Variants in ENPP6 observed in about 807,000 individuals in gnomAD.
The protein encoded by ENPP6 is ectonucleotide pyrophosphatase/phosphodiesterase 6.
A neutral mutation model predicts 42.0 loss-of-function variants in ENPP6; 32 were observed. That is an observed-to-expected ratio of 0.76 (90% CI 0.58 to 1.02). The LOEUF is 1.02. Ranked by LOEUF, ENPP6 falls within the 50% of genes least tolerant of loss-of-function variation. ENPP6 has a pLI of 0.00. For synonymous variants in ENPP6, 213 were observed against 216.0 expected, an observed-to-expected ratio of 0.99 and a Z score of 0.12; for missense variants, 552 against 566.8, an observed-to-expected ratio of 0.97 and a Z score of 0.27.
chr4:184,104,304 T>C (rs1736052454), intron 6 of ENPP6, among the ~76,000 whole-genome samples: 1 of 152,264 alleles, frequency 6.6e-6, no homozygotes, highest in Non-Finnish European at 1.5e-5. Flanking sequence ...TGGCATTTCA[T>C]ATCCTTTTCC....
chr4:184,143,380 G>A (rs1381757287), intron 2 of ENPP6, among the ~76,000 whole-genome samples: 3 of 152,220 alleles, frequency 2.0e-5, no homozygotes, highest in Admixed American at 6.5e-5. Context: ...CTGAGGCAAG[G>A]CGGGAGCAGT....
intron 1 of ENPP6, among the ~76,000 whole-genome samples, chr4:184,188,371 C>T (rs1201884282): frequency 6.6e-6 from 1 of 152,092 alleles, no homozygotes; most frequent in Non-Finnish European, 1.5e-5. Context: ...AAAATATTGT[C>T]CTAGGTTTTT....
intron 5 of ENPP6, 108 bp from the exon 6 acceptor site, chr4:184,112,917 T>C (rs1736227889): frequency 1.6e-6 from 2 of 1,237,490 alleles, no homozygotes; most frequent in Middle Eastern, 2.0e-4. Flanking sequence ...AAGAAAGAAA[T>C]TGCCAAATAC....
Position 184,091,107 on chromosome 4 carries a change from T to C in ENPP6, c.*70A>G, listed in dbSNP as rs1344770749. ...ATGAAGCTATTATTCACACATAAAATGAAAATCATCTGGCTTTGGAGGCCC... is the reference window on the plus strand; with the variant it reads ...ATGAAGCTATTATTCACACATAAAACGAAAATCATCTGGCTTTGGAGGCCC... On this transcript the variant is annotated 3_prime_UTR_variant, in exon 8 of 8. Transcript: ENST00000296741. 2.1e-6 allele frequency: 3 copies of C among 1,417,676 alleles called. No homozygotes were observed. The highest frequency in any genetic ancestry group is 2.8e-6 in the Non-Finnish European group (3 of 1,060,890). 87.8% of individuals were successfully genotyped at this position (1,417,676 alleles called of 1,614,324 possible).
intron 2 of ENPP6, among the ~76,000 whole-genome samples, chr4:184,131,193 C>CTTTCTTTCTTTCTT (rs1560987247): frequency 1.8e-5 from 1 of 55,372 alleles, no homozygotes. Flanking sequence ...TTCTTTCTTT[C>CTTTCTTTCTTTCTT]TTTCTTTCTT....
chr4:184,204,956 G>A (rs183447689), intron 1 of ENPP6, among the ~76,000 whole-genome samples: 7 of 151,910 alleles, frequency 4.6e-5, no homozygotes, highest in Admixed American at 2.6e-4. Context: ...TTGAGATGAA[G>A]TTTCGCTCAT....
In ENPP6 at chr4:184,097,323, C is replaced by G. The variant is rs1400237976; in HGVS notation, c.1039G>C (p.Glu347Gln). 6.2e-7 allele frequency: 1 copy of G among 1,614,234 alleles called. No homozygotes were observed. Among genetic ancestry groups the G allele is most frequent in the East Asian group, 2.2e-5 (1 of 44,882 alleles). ...CCGTGCCATCCACGCTGCCAACCTT[C>G]CCGCCTGCCGGTGCTGTTCATCCAA... ...PFWMNSTGRR[E>Q]GWQRGWHGYD... Residue 347 changes from glutamate (E) to glutamine (Q), a missense_variant, in exon 7 of 8, where the codon GAA becomes CAA. Physicochemically the swap from Glu to Gln is conservative, Grantham distance 29 (BLOSUM62 2). Coordinates refer to ENST00000296741, the MANE Select transcript of ENPP6 (RefSeq NM_153343.4).
chr4:184,109,564 G>A lies in ENPP6; in HGVS notation c.993+3108C>T, dbSNP rs867288986. On this transcript the variant is annotated intron_variant, in intron 6 of 7. Coordinates refer to ENST00000296741, the MANE Select transcript of ENPP6 (RefSeq NM_153343.4). ...GTGAGCCACCATGGATAGTGTATTA[G>A]TGAGCAACCCTCATCTTTCAGAGCT... Among the ~76,000 whole-genome samples, 50 of 152,162 alleles carry A rather than the reference G, an allele frequency of 3.3e-4. 1 individual carries two copies. Among genetic ancestry groups the A allele is most frequent in the African/African-American group, 1.0e-3 (43 of 41,444 alleles).
intron 6 of ENPP6, 44 bp downstream of exon 6, chr4:184,112,628 T>C (rs1186819060): frequency 1.9e-6 from 3 of 1,589,212 alleles, no homozygotes; most frequent in Non-Finnish European, 2.6e-6. Flanking sequence ...GACTGTTTTA[T>C]AGAATTTGCA....
intron 1 of ENPP6, among the ~76,000 whole-genome samples, chr4:184,200,410 C>A (rs1213904637): frequency 1.3e-5 from 2 of 152,196 alleles, no homozygotes; most frequent in African/African-American, 2.4e-5. Context: ...GGAGGCCTCT[C>A]AACAAAAGGT....
chr4:184,102,800 G>T (rs576801661), intron 6 of ENPP6, among the ~76,000 whole-genome samples: 12 of 152,248 alleles, frequency 7.9e-5, no homozygotes, highest in Admixed American at 2.6e-4. Flanking sequence ...TCCCATGCTG[G>T]CTGCTCAAGG....
intron 7 of ENPP6, among the ~76,000 whole-genome samples, chr4:184,095,430 C>T (rs1027366197): frequency 3.4e-4 from 51 of 152,072 alleles, no homozygotes; most frequent in African/African-American, 1.0e-3. Context: ...GAGGCTGAGA[C>T]AGGCAGATCA....
At chr4:184,103,000 G>A (rs1255817090) in intron 6 of ENPP6, among the ~76,000 whole-genome samples, 1 of 152,264 alleles carries the variant, frequency 6.6e-6, no homozygotes. Flanking sequence ...TTTCTGAGAA[G>A]TGCCTGAGAT....
At chr4:184,105,752 G>A (rs922426522) in intron 6 of ENPP6, among the ~76,000 whole-genome samples, 48 of 152,020 alleles carry the variant, frequency 3.2e-4, no homozygotes, top group African/African-American at 1.2e-3. Context: ...CTTTTGGGAG[G>A]GCCATAGGGA....
At chr4:184,214,380 G>A (rs191954552) in intron 1 of ENPP6, among the ~76,000 whole-genome samples, 2 of 152,302 alleles carry the variant, frequency 1.3e-5, no homozygotes, top group East Asian at 3.9e-4. Context: ...AGCCATGGTG[G>A]CTTCATGGCA....
intron 2 of ENPP6, among the ~76,000 whole-genome samples, chr4:184,132,896 T>A (rs1264837939): frequency 1.3e-5 from 2 of 150,992 alleles, no homozygotes; most frequent in Non-Finnish European, 1.5e-5. Context: ...TTGGAGACTA[T>A]CTTTTATCAC....
intron 1 of ENPP6, among the ~76,000 whole-genome samples, chr4:184,193,705 TC>T (rs1425114260): frequency 2.0e-5 from 3 of 152,194 alleles, no homozygotes; most frequent in Non-Finnish European, 4.4e-5. Context: ...ATATATGGGA[TC>T]TAATTAGCAT....
chr4:184,094,226 G>A (rs552189355), intron 7 of ENPP6, among the ~76,000 whole-genome samples: 1 of 152,232 alleles, frequency 6.6e-6, no homozygotes, highest in South Asian at 2.1e-4. Context: ...CTACAAGTAA[G>A]CCATCATGCC....
chr4:184,198,103 G>A (rs1435008742), intron 1 of ENPP6, among the ~76,000 whole-genome samples: 1 of 152,238 alleles, frequency 6.6e-6, no homozygotes, highest in Admixed American at 6.5e-5. Context: ...GGCATATGAT[G>A]CACTGGGCAG....
Sources: allele counts gnomAD v4.1 joint callset (sites outside exome capture counted in the v4.1 genomes callset), GRCh38; gene constraint gnomAD v4.1.1; transcripts MANE v1.5; gene names NCBI Gene and HGNC (gene_info 2026-07-23, HGNC 2026-07-21).